PARPBP: variants seen among roughly 807,000 people sequenced by gnomAD.
PARPBP encodes the protein PCNA-interacting partner.
PARPBP carries 52 observed loss-of-function variants against 50.0 expected under a neutral mutation model. The observed-to-expected ratio is 1.04, with a 90% CI of 0.83 to 1.31. The LOEUF (loss-of-function observed/expected upper bound fraction) is 1.31, where lower values mean the gene tolerates loss of function less well. Ranked by LOEUF, PARPBP falls within the 50% of genes most tolerant of loss-of-function variation. The probability of loss-of-function intolerance (pLI) is 0.00; values close to 1 mark genes in which losing one functional copy is unlikely to be tolerated. For synonymous variants in PARPBP, 244 were observed against 232.1 expected, an observed-to-expected ratio of 1.05 and a Z score of -0.47; for missense variants, 697 against 672.0, an observed-to-expected ratio of 1.04 and a Z score of -0.41.
rs771967838 is a variant in PARPBP, at chr12:102,175,619, C to T, written c.958C>T (p.Gln320Ter). ...GAGGATTAAAAATATTATCAATTCTCAAGAAGGTGTTGTAGCTCTTAGCAC... is the reference window on the plus strand; with the variant it reads ...GAGGATTAAAAATATTATCAATTCTTAAGAAGGTGTTGTAGCTCTTAGCAC... ...DLRIKNIINS[Q>*]EGVVALSTTD... Residue 320 changes from glutamine (Q) to a stop codon, truncating the protein, a stop_gained, in exon 7 of 11, where the codon CAA (glutamine) becomes TAA (stop). Transcript: ENST00000327680. LOFTEE classifies it high-confidence loss of function. The T allele has an allele frequency of 8.6e-5, 138 of 1,613,392 alleles. No individual in the cohort carries two copies. The highest frequency in any genetic ancestry group is 9.2e-5 in the Non-Finnish European group (109 of 1,179,554).
At chr12:102,178,240 A>G (rs190210734) in intron 7 of PARPBP, among the ~76,000 whole-genome samples, 1 of 152,158 alleles carries the variant, frequency 6.6e-6, no homozygotes, top group Non-Finnish European at 1.5e-5. Context: ...CCAGAACCTC[A>G]TCATTCTTTG....
rs917207923 is a variant in PARPBP, at chr12:102,196,844, T to C, written c.*553T>C. The C allele has an allele frequency of 6.6e-6, 7 of 1,055,688 alleles. No individual in the cohort carries two copies. The Admixed American group carries it at 1.5e-4, about 22-fold the overall frequency. 65.4% of individuals were successfully genotyped at this position (1,055,688 alleles called of 1,614,324 possible). A position where few individuals can be genotyped will look rare whatever the true frequency, so the allele number is the denominator to read the frequency against. On this transcript the variant is annotated 3_prime_UTR_variant, in exon 11 of 11. Coordinates refer to ENST00000327680, the MANE Select transcript of PARPBP (RefSeq NM_017915.5). ...TTAATTGTTGCTATTTAATCCCACATTTTTGGCAGGTGTAATTGAGCCATG... is the reference window on the plus strand; with the variant it reads ...TTAATTGTTGCTATTTAATCCCACACTTTTGGCAGGTGTAATTGAGCCATG...
chr12:102,194,048 T>C (rs367927474), intron 9 of PARPBP, among the ~76,000 whole-genome samples: 52 of 152,126 alleles, frequency 3.4e-4, no homozygotes, highest in African/African-American at 1.0e-3. Context: ...GTCAGAAAGA[T>C]AGAAAATTTG....
chr12:102,179,924 AT>A (rs1420651777), intron 8 of PARPBP, among the ~76,000 whole-genome samples: 1 of 152,058 alleles, frequency 6.6e-6, no homozygotes, highest in Non-Finnish European at 1.5e-5. Context: ...GATCTCTTCT[AT>A]TTTCTACTGG....
intron 3 of PARPBP, among the ~76,000 whole-genome samples, chr12:102,149,242 A>G (rs1034355143): frequency 6.6e-6 from 1 of 152,238 alleles, no homozygotes; most frequent in Non-Finnish European, 1.5e-5. Context: ...ATACTTGAGA[A>G]CAGTGTTTTA....
Position 102,133,535 on chromosome 12 carries a change from C to T in PARPBP, c.153+9494C>T, listed in dbSNP as rs148310280. On this transcript the variant is annotated intron_variant, in intron 2 of 10. Transcript: ENST00000327680. ...TTTAATGTGCTGTTTAATTTGGTTT[C>T]CTAGTATTTTGTTGAGGAATTTTGC... Among the ~76,000 whole-genome samples the T allele has an allele frequency of 5.9e-3, 897 of 151,804 alleles. 11 individuals are homozygous for T. Among genetic ancestry groups the T allele is most frequent in the African/African-American group, 0.02 (842 of 41,416 alleles).
intron 1 of PARPBP, chr12:102,120,532 C>A (rs939311407): frequency 2.2e-6 from 1 of 456,256 alleles, no homozygotes; most frequent in South Asian, 1.5e-5. Flanking sequence ...AAGACAGGCC[C>A]GTAGAGGCCT....
chr12:102,134,566 C>G (rs1883348300), intron 2 of PARPBP, among the ~76,000 whole-genome samples: 1 of 152,194 alleles, frequency 6.6e-6, no homozygotes. Context: ...CTTCCAAAAG[C>G]ATGCAGAAGG....
intron 9 of PARPBP, among the ~76,000 whole-genome samples, chr12:102,189,986 A>T (rs1335062954): frequency 6.6e-6 from 1 of 152,134 alleles, no homozygotes. Flanking sequence ...TCTTTACCCT[A>T]TTGAACAGAG....
Position 102,148,348 on chromosome 12 carries a change from T to C in PARPBP, c.272T>C (p.Val91Ala), listed in dbSNP as rs1885707493. The change falls in exon 3 of 11, where the codon GTT becomes GCT. Residue 91 changes from valine to alanine, a missense_variant. Transcript: ENST00000327680. ...NMDVTDHYED[V>A]RKIYDDFLKN... ...GACGTGACTGACCATTATGAGGACG[T>C]TAGGAAGATTTATGATGATTTCTTG... The C allele has an allele frequency of 6.3e-7, 1 of 1,586,220 alleles. No homozygotes were observed.
intron 7 of PARPBP, 114 bp downstream of exon 7, chr12:102,175,780 C>T: frequency 1.6e-6 from 1 of 606,746 alleles, no homozygotes; most frequent in South Asian, 3.8e-5. Flanking sequence ...TTCCTGTGTT[C>T]TAAAATGATA....
intron 6 of PARPBP, among the ~76,000 whole-genome samples, chr12:102,173,349 G>A (rs570092123): frequency 2.0e-5 from 3 of 152,328 alleles, no homozygotes; most frequent in Middle Eastern, 3.4e-3. Flanking sequence ...AGTTCCTGCT[G>A]TCATCAGTTC....
chr12:102,176,457 A>G (rs910648730), intron 7 of PARPBP, among the ~76,000 whole-genome samples: 7 of 152,078 alleles, frequency 4.6e-5, no homozygotes, highest in African/African-American at 1.7e-4. Flanking sequence ...CTTGTTTTCT[A>G]CCTCCATTAC....
At chr12:102,164,827 G>GTACATA in intron 5 of PARPBP, 2 of 561,034 alleles carry the variant, frequency 3.6e-6, no homozygotes, top group South Asian at 4.3e-5. Flanking sequence ...GTTCTGTATA[G>GTACATA]TGCTAGCCCT....
intron 3 of PARPBP, chr12:102,152,097 T>C (rs986508993): frequency 3.1e-6 from 1 of 317,630 alleles, no homozygotes; most frequent in African/African-American, 2.2e-5. Context: ...CTGCATCCCT[T>C]GCTCTGCTGC....
At chr12:102,121,745 T>C (rs993700115) in intron 1 of PARPBP, among the ~76,000 whole-genome samples, 1 of 151,934 alleles carries the variant, frequency 6.6e-6, no homozygotes, top group Non-Finnish European at 1.5e-5. Context: ...GGTTTCACCA[T>C]GTTGGCCAGG....
At chr12:102,169,271 C>G (rs1888452467) in intron 6 of PARPBP, among the ~76,000 whole-genome samples, 1 of 152,152 alleles carries the variant, frequency 6.6e-6, no homozygotes, top group Non-Finnish European at 1.5e-5. Flanking sequence ...CTCTTATTTT[C>G]CACCTACCTC....
At chr12:102,178,556 A>G (rs1051990383) in intron 7 of PARPBP, 36 bp from the exon 8 acceptor site, 2 of 1,438,170 alleles carry the variant, frequency 1.4e-6, no homozygotes, top group South Asian at 2.8e-5. Flanking sequence ...AGCTGGGGTG[A>G]TTATTACATT....
intron 2 of PARPBP, among the ~76,000 whole-genome samples, chr12:102,146,781 A>G (rs552374069): frequency 8.9e-4 from 135 of 152,294 alleles, no homozygotes; most frequent in African/African-American, 3.1e-3. Context: ...TGAACAGGCA[A>G]CCTACAAAAT....
Sources: allele counts gnomAD v4.1 joint callset (sites outside exome capture counted in the v4.1 genomes callset), GRCh38; gene constraint gnomAD v4.1.1; transcripts MANE v1.5; gene names NCBI Gene and HGNC (gene_info 2026-07-23, HGNC 2026-07-21).